The following DYM variants were observed in gnomAD, a reference collection of about 807,000 sequenced individuals.
DYM encodes dymeclin, also known as dyggve-Melchior-Clausen syndrome protein.
Under a neutral mutation model 93.1 loss-of-function variants are expected in DYM, and 78 were observed. The observed-to-expected ratio is 0.84, with a 90% CI of 0.70 to 1.01. The LOEUF (loss-of-function observed/expected upper bound fraction) is 1.01, where lower values mean the gene tolerates loss of function less well. Among genes scored for constraint, DYM ranks in the 50% least tolerant of loss-of-function variants. The pLI is 0.00. For synonymous variants in DYM, 321 were observed against 319.7 expected (o/e 1.00, Z -0.04); for missense variants, 789 against 845.0 (o/e 0.93, Z 0.82).
At chr18:49,050,988 A>T (rs1042301188) in intron 17 of DYM, among the ~76,000 whole-genome samples, 1 of 152,166 alleles carries the variant, frequency 6.6e-6, no homozygotes, top group African/African-American at 2.4e-5. Context: ...TATTCACTCC[A>T]TTATAGAGAT....
chr18:49,169,206 G>A lies in DYM; in HGVS notation c.1626-5419C>T, dbSNP rs115178251. On this transcript the variant is annotated intron_variant, in intron 14 of 17. Coordinates refer to ENST00000675505, the MANE Select transcript of DYM (RefSeq NM_001353214.3). Reference sequence around the variant, plus strand: ...AAGGACGTGCCTAAATAGACTGGAGGTGAACATGGAATGTTAGGGGAACAC... The same window carrying A: ...AAGGACGTGCCTAAATAGACTGGAGATGAACATGGAATGTTAGGGGAACAC... Among the ~76,000 whole-genome samples the A allele has an allele frequency of 1.4e-3, 207 of 152,350 alleles. 1 individual carries two copies. Among genetic ancestry groups the A allele is most frequent in the African/African-American group, 4.7e-3 (194 of 41,588 alleles).
At chr18:49,457,828 C>T (rs1318876210) in intron 1 of DYM, among the ~76,000 whole-genome samples, 2 of 152,172 alleles carry the variant, frequency 1.3e-5, no homozygotes, top group Non-Finnish European at 2.9e-5. Flanking sequence ...TCCTTAAAAG[C>T]AGAGAACCTT....
chr18:49,093,057 T>C (rs1057446628), intron 17 of DYM, among the ~76,000 whole-genome samples: 1 of 152,186 alleles, frequency 6.6e-6, no homozygotes, highest in African/African-American at 2.4e-5. Context: ...GAAGTTAATT[T>C]ACCCCACGAA....
intron 2 of DYM, among the ~76,000 whole-genome samples, chr18:49,427,277 A>G (rs900759093): frequency 6.6e-6 from 1 of 152,208 alleles, no homozygotes; most frequent in African/African-American, 2.4e-5. Context: ...GTGAGAAGCA[A>G]TCAGATAAAT....
intron 1 of DYM, among the ~76,000 whole-genome samples, chr18:49,454,907 CAAAAAAA>C (rs35671085): frequency 0.045 from 3,290 of 73,264 alleles, 138 homozygotes; most frequent in African/African-American, 0.15. Context: ...GACTCTGTCT[CAAAAAAA>C]AAAAAAAAAA....
intron 13 of DYM, among the ~76,000 whole-genome samples, chr18:49,216,114 C>G (rs1021977581): frequency 1.3e-5 from 2 of 152,210 alleles, no homozygotes; most frequent in Admixed American, 1.3e-4. Context: ...GCACCTGGCT[C>G]GGAGGGTCCT....
In DYM at chr18:49,426,552, T is replaced by A. The variant is rs531956288; in HGVS notation, c.140+3703A>T. Among the ~76,000 whole-genome samples the A allele has an allele frequency of 1.1e-3, 172 of 151,038 alleles. 2 individuals carry two copies. The highest frequency in any genetic ancestry group is 4.1e-3 in the African/African-American group (168 of 40,742). On this transcript the variant is annotated intron_variant, in intron 2 of 17. Transcript: ENST00000675505. ...CTAGAACTTAAAGTATAATAAAAAATAATAATAAAAAAATTAAAATTTATT... is the reference window on the plus strand; with the variant it reads ...CTAGAACTTAAAGTATAATAAAAAAAAATAATAAAAAAATTAAAATTTATT...
chr18:49,222,154 T>C (rs2093386785), intron 13 of DYM, among the ~76,000 whole-genome samples: 1 of 151,936 alleles, frequency 6.6e-6, no homozygotes, highest in Non-Finnish European at 1.5e-5. Context: ...TATAATATTG[T>C]GAAACAACTA....
intron 8 of DYM, among the ~76,000 whole-genome samples, chr18:49,326,842 A>C (rs1209920561): frequency 6.6e-6 from 1 of 152,186 alleles, no homozygotes; most frequent in Non-Finnish European, 1.5e-5. Context: ...AATGGCTTTT[A>C]AGGACAGTTG....
At chr18:49,239,032 A>G (rs1040681725) in intron 13 of DYM, among the ~76,000 whole-genome samples, 17 of 152,200 alleles carry the variant, frequency 1.1e-4, no homozygotes, top group Non-Finnish European at 2.5e-4. Context: ...CTCAGACTAA[A>G]GACAAGATTT....
intron 11 of DYM, among the ~76,000 whole-genome samples, chr18:49,259,466 A>G (rs2094456499): frequency 6.6e-6 from 1 of 152,258 alleles, no homozygotes. Context: ...AGTTTCTTCA[A>G]CAAATAAGGG....
intron 8 of DYM, among the ~76,000 whole-genome samples, chr18:49,287,813 A>G (rs1407063123): frequency 7.1e-6 from 1 of 140,202 alleles, no homozygotes; most frequent in East Asian, 2.1e-4. Flanking sequence ...CCACAACAAG[A>G]GCGAAACTCC....
At chr18:49,079,156 A>T (rs545944001) in intron 17 of DYM, among the ~76,000 whole-genome samples, 1 of 152,266 alleles carries the variant, frequency 6.6e-6, no homozygotes, top group African/African-American at 2.4e-5. Flanking sequence ...CGGCTGAGAC[A>T]TCTCCTTTCT....
Position 49,043,988 on chromosome 18 carries a change from AC to A in DYM, c.*66del. Reference sequence around the variant, plus strand: ...AGTAACCTGTCTGTCTACTTCTGTTACCCAGAAATAAAAGAACTTGAAGGGC... The same window carrying A: ...AGTAACCTGTCTGTCTACTTCTGTTACCAGAAATAAAAGAACTTGAAGGGC... On this transcript the variant is annotated 3_prime_UTR_variant, in exon 18 of 18. Coordinates refer to ENST00000675505, the MANE Select transcript of DYM (RefSeq NM_001353214.3). 1 of 1,580,974 alleles carries A rather than the reference AC, an allele frequency of 6.3e-7. No homozygotes were observed. Among genetic ancestry groups the A allele is most frequent in the Non-Finnish European group, 8.7e-7 (1 of 1,154,472 alleles).
chr18:49,196,438 T>TACACACACAC (rs35296321), intron 14 of DYM, among the ~76,000 whole-genome samples: 4 of 150,156 alleles, frequency 2.7e-5, no homozygotes, highest in Admixed American at 6.6e-5. Context: ...GATCAGTGGT[T>TACACACACAC]ACACACACAC....
chr18:49,321,801 A>G (rs2062501037), intron 8 of DYM, among the ~76,000 whole-genome samples: 1 of 152,228 alleles, frequency 6.6e-6, no homozygotes, highest in East Asian at 1.9e-4. Context: ...AAATCTCTCA[A>G]ATTATTCCAA....
intron 14 of DYM, among the ~76,000 whole-genome samples, chr18:49,185,125 T>C (rs534079777): frequency 1.3e-5 from 2 of 152,324 alleles, no homozygotes; most frequent in Admixed American, 6.5e-5. Flanking sequence ...CATGTTCAAG[T>C]TGAATTACAA....
At chr18:49,442,909 G>A (rs532664734) in intron 1 of DYM, among the ~76,000 whole-genome samples, 2 of 151,034 alleles carry the variant, frequency 1.3e-5, no homozygotes, top group East Asian at 3.9e-4. Context: ...CCAGGGTGGA[G>A]TGCAGTGGAG....
intron 14 of DYM, among the ~76,000 whole-genome samples, chr18:49,176,554 G>A (rs551309415): frequency 6.7e-6 from 1 of 149,528 alleles, no homozygotes; most frequent in African/African-American, 2.5e-5. Flanking sequence ...GGGACAACAG[G>A]CACGTGTCAC....
Sources: allele counts gnomAD v4.1 joint callset (sites outside exome capture counted in the v4.1 genomes callset), GRCh38; gene constraint gnomAD v4.1.1; transcripts MANE v1.5; gene names NCBI Gene and HGNC (gene_info 2026-07-23, HGNC 2026-07-21).